Variants in ECT2L observed in about 807,000 individuals in gnomAD.
The protein encoded by ECT2L is epithelial cell-transforming sequence 2 oncogene-like.
ECT2L carries 126 observed loss-of-function variants against 122.8 expected under a neutral mutation model. The observed-to-expected ratio is 1.03, with a 90% CI of 0.89 to 1.19. The LOEUF is 1.19. Among genes scored for constraint, ECT2L ranks in the 50% most tolerant of loss-of-function variants. ECT2L has a pLI of 0.00. For missense variants in ECT2L, 1,012 were observed against 1,064.1 expected, an observed-to-expected ratio of 0.95 and a Z score of 0.68; for synonymous variants, 385 against 381.8, an observed-to-expected ratio of 1.01 and a Z score of -0.10.
chr6:138,829,720 G>T (rs75221186), intron 4 of ECT2L, among the ~76,000 whole-genome samples: 7 of 146,974 alleles, frequency 4.8e-5, no homozygotes, highest in South Asian at 2.2e-4. Context: ...TGTGTTTTTG[G>T]TTTTTTTTTC....
At chr6:138,811,878 G>C (rs1448526199) in intron 1 of ECT2L, among the ~76,000 whole-genome samples, 1 of 151,812 alleles carries the variant, frequency 6.6e-6, no homozygotes, top group Non-Finnish European at 1.5e-5. Flanking sequence ...TAGTAGAGAC[G>C]GGGTTTCATC....
In ECT2L at chr6:138,862,746, C is replaced by A. The variant is rs374094056; in HGVS notation, c.1291+27C>A. 7.0e-5 allele frequency: 111 copies of A among 1,581,910 alleles called. 2 individuals are homozygous for A. The South Asian group carries it at 1.1e-3, about 15-fold the overall frequency. The stretch of plus-strand genomic sequence containing the variant: ...TAAGTGTTATGGGAGCTGAGCGCCA[C>A]GTCCAATAACACAAGCCAACTCCAG... On this transcript the variant is annotated intron_variant, in intron 11 of 21. Coordinates refer to ENST00000541398, the MANE Select transcript of ECT2L (RefSeq NM_001077706.3).
intron 4 of ECT2L, among the ~76,000 whole-genome samples, chr6:138,824,844 C>T (rs1776389055): frequency 1.3e-5 from 2 of 152,170 alleles, no homozygotes; most frequent in Admixed American, 1.3e-4. Flanking sequence ...CTTTCACCAG[C>T]CACAGGACTC....
intron 16 of ECT2L, among the ~76,000 whole-genome samples, 197 bp downstream of exon 16, chr6:138,883,068 G>T (rs1778698108): frequency 6.6e-6 from 1 of 152,150 alleles, no homozygotes; most frequent in Non-Finnish European, 1.5e-5. Flanking sequence ...GCATTGCCAG[G>T]AACTGGTTCT....
At chr6:138,887,687 C>G (rs569092720) in intron 19 of ECT2L, among the ~76,000 whole-genome samples, 38 of 152,340 alleles carry the variant, frequency 2.5e-4, no homozygotes, top group African/African-American at 7.7e-4. Context: ...TTCCTGACTT[C>G]CTTATAATCA....
intron 7 of ECT2L, 88 bp downstream of exon 7, chr6:138,844,668 C>A: frequency 7.8e-7 from 1 of 1,277,888 alleles, no homozygotes. Context: ...ACGCAGAAAT[C>A]TTGTGTAATT....
At chr6:138,893,788 C>T (rs1779119581) in intron 20 of ECT2L, among the ~76,000 whole-genome samples, 1 of 152,132 alleles carries the variant, frequency 6.6e-6, no homozygotes, top group African/African-American at 2.4e-5. Flanking sequence ...GCAAAACTCA[C>T]ACCATTGTGT....
intron 13 of ECT2L, among the ~76,000 whole-genome samples, chr6:138,871,531 C>T (rs554186440): frequency 3.9e-5 from 6 of 152,180 alleles, no homozygotes; most frequent in Non-Finnish European, 7.3e-5. Flanking sequence ...CTTGGCCAGG[C>T]GCAGTGGCTC....
chr6:138,890,515 T>TTTTTTTTTTTTTTTTTTTTTTTTTC (rs1778985517), intron 20 of ECT2L, among the ~76,000 whole-genome samples: 1 of 97,048 alleles, frequency 1.0e-5, no homozygotes, highest in Non-Finnish European at 2.4e-5. Flanking sequence ...TTTTTTTTTT[T>TTTTTTTTTTTTTTTTTTTTTTTTTC]TTTTTGGTCA....
chr6:138,883,863 G>T (rs978586427), intron 16 of ECT2L, among the ~76,000 whole-genome samples: 1 of 152,072 alleles, frequency 6.6e-6, no homozygotes, highest in African/African-American at 2.4e-5. Context: ...TTAGTTATTT[G>T]GTTGTGGGGT....
At chr6:138,857,839 A>C (rs1480707663) in intron 10 of ECT2L, among the ~76,000 whole-genome samples, 1 of 152,156 alleles carries the variant, frequency 6.6e-6, no homozygotes, top group Non-Finnish European at 1.5e-5. Context: ...TCACGCTGCT[A>C]TGAATAACTG....
At chr6:138,842,621 A>C (rs1367494267) in intron 5 of ECT2L, among the ~76,000 whole-genome samples, 2 of 151,586 alleles carry the variant, frequency 1.3e-5, no homozygotes, top group Non-Finnish European at 2.9e-5. Context: ...AAAACAAAAA[A>C]ATTAGCCAGG....
intron 6 of ECT2L, among the ~76,000 whole-genome samples, chr6:138,843,775 G>A (rs1384722743): frequency 4.6e-5 from 7 of 152,070 alleles, no homozygotes; most frequent in African/African-American, 9.7e-5. Context: ...CTGCAGCCTC[G>A]ATTTCTGAGG....
chr6:138,813,458 T>A, intron 3 of ECT2L, 118 bp downstream of exon 3: 1 of 777,936 alleles, frequency 1.3e-6, no homozygotes, highest in Non-Finnish European at 2.0e-6. Flanking sequence ...ATTTAGCTTT[T>A]CAGTTTAAAC....
intron 10 of ECT2L, among the ~76,000 whole-genome samples, chr6:138,861,838 CTGTTTT>C (rs768163253): frequency 1.3e-5 from 2 of 152,152 alleles, no homozygotes; most frequent in Non-Finnish European, 2.9e-5. Context: ...ATATTCCATC[CTGTTTT>C]TAACTTTTTA....
rs765925347 is a variant in ECT2L at position 138,881,018 on chromosome 6, AGAGT to A, written c.1731_1734del (p.Ser577ArgfsTer11). On this transcript the variant is annotated frameshift_variant, in exon 15 of 22. Coordinates refer to ENST00000541398, the MANE Select transcript of ECT2L (RefSeq NM_001077706.3). LOFTEE classifies it high-confidence loss of function. Reference sequence around the variant, plus strand: ...GCTAGAGTTGTCAGAGAACTCTTACAGAGTGAGAGAAAATACGTGCAGATACTGG... The same window carrying A: ...GCTAGAGTTGTCAGAGAACTCTTACAGAGAGAAAATACGTGCAGATACTGG... The A allele has an allele frequency of 1.4e-5, 23 of 1,614,068 alleles. No individual in the cohort carries two copies. In the African/African-American group the frequency reaches 2.7e-4, roughly 19 times the overall value.
At chr6:138,850,994 C>CAAAAAAAAAAAAA (rs34453938) in intron 9 of ECT2L, among the ~76,000 whole-genome samples, 4 of 57,780 alleles carry the variant, frequency 6.9e-5, no homozygotes, top group African/African-American at 1.9e-4. Context: ...AACTCCATCT[C>CAAAAAAAAAAAAA]AAAAAAAAAA....
chr6:138,843,019 T>C lies in ECT2L; in HGVS notation c.383T>C (p.Phe128Ser). ...CCCAAATGCGTTAAGTTCGGATGGT[T>C]TCTGCCCTATACTCCAACAGATAAT... is the stretch of plus-strand genomic sequence containing the variant. The part of the protein sequence containing the change: ...WMPKCVKFGW[F>S]LPYTPTDNEY... Residue 128 changes from phenylalanine (F) to serine (S), a missense_variant, in exon 6 of 22, where the codon TTT becomes TCT. Physicochemically the swap from Phe to Ser is radical, Grantham distance 155. Coordinates refer to ENST00000541398, the MANE Select transcript of ECT2L (RefSeq NM_001077706.3). The C allele has an allele frequency of 6.3e-7, 1 of 1,593,366 alleles. No homozygotes were observed. Among genetic ancestry groups the C allele is most frequent in the Non-Finnish European group, 8.6e-7 (1 of 1,165,810 alleles).
At chr6:138,902,025 C>T (rs1470447540) in intron 21 of ECT2L, among the ~76,000 whole-genome samples, 2 of 152,228 alleles carry the variant, frequency 1.3e-5, no homozygotes, top group Non-Finnish European at 2.9e-5. Flanking sequence ...ATGTCTCCTT[C>T]AGTTCCCCTC....
Sources: gnomAD v4.1 joint callset for allele counts (sites outside exome capture counted in the v4.1 genomes callset) on GRCh38, gnomAD v4.1.1 for gene constraint, MANE v1.5 for transcripts, NCBI Gene and HGNC (gene_info 2026-07-23, HGNC 2026-07-21) for gene names.